FRK: variants seen among roughly 807,000 people sequenced by gnomAD.
FRK encodes tyrosine-protein kinase FRK.
Under a neutral mutation model 56.4 loss-of-function variants are expected in FRK, and 51 were observed. The ratio of observed to expected loss-of-function variants is 0.90; its 90% CI spans 0.72 to 1.14. The LOEUF (loss-of-function observed/expected upper bound fraction) is 1.14. FRK is among the 50% of genes most tolerant of loss of function. The probability of loss-of-function intolerance (pLI) is 0.00; values close to 1 mark genes in which losing one functional copy is unlikely to be tolerated. For missense variants in FRK, 570 were observed against 601.4 expected (o/e 0.95, Z 0.55); for synonymous variants, 245 against 217.9 (o/e 1.12, Z -1.10).
intron 5 of FRK, among the ~76,000 whole-genome samples, chr6:115,956,007 A>T (rs760618900): frequency 1.3e-5 from 2 of 152,206 alleles, no homozygotes; most frequent in Non-Finnish European, 1.5e-5. Flanking sequence ...CAACAAGTAC[A>T]ATGTTGTCAA....
chr6:116,025,452 C>T (rs1776052724), intron 1 of FRK, among the ~76,000 whole-genome samples: 2 of 152,130 alleles, frequency 1.3e-5, no homozygotes, highest in Admixed American at 6.5e-5. Context: ...ATGGAATCTA[C>T]TCTGTATTTG....
intron 1 of FRK, among the ~76,000 whole-genome samples, chr6:116,005,533 C>T (rs192629420): frequency 6.6e-6 from 1 of 152,212 alleles, no homozygotes; most frequent in Admixed American, 6.5e-5. Context: ...ACAGCCAATC[C>T]CACCATTTCC....
rs998262089 is a variant in FRK at position 115,941,249 on chromosome 6, A to T, written c.*1165T>A. ...TTAACAAACTAACACAAGAACAAAA[A>T]ACCAAACACAGCATGTTCTCACTCA... is the stretch of plus-strand genomic sequence containing the variant. On this transcript the variant is annotated 3_prime_UTR_variant, in exon 8 of 8. Transcript: ENST00000606080. 6.6e-6 allele frequency: 1 copy of T among 152,174 alleles called. No individual in the cohort carries two copies. The highest frequency in any genetic ancestry group is 1.5e-5 in the Non-Finnish European group (1 of 68,048). 9.4% of individuals were successfully genotyped at this position (152,174 alleles called of 1,614,324 possible). A position where few individuals can be genotyped will look rare whatever the true frequency, so the allele number is the denominator to read the frequency against.
chr6:116,022,174 A>G (rs1348416799), intron 1 of FRK, among the ~76,000 whole-genome samples: 1 of 152,112 alleles, frequency 6.6e-6, no homozygotes, highest in Non-Finnish European at 1.5e-5. Context: ...TACATTCATA[A>G]TTTAAAACCT....
chr6:116,071,916 T>C, the FRK span, among the ~76,000 whole-genome samples: 3 of 152,158 alleles, frequency 2.0e-5, no homozygotes, highest in East Asian at 1.9e-4. Context: ...TTTGGAAAGA[T>C]TGTCTCCCTC....
At chr6:116,009,950 G>A (rs530608615) in intron 1 of FRK, among the ~76,000 whole-genome samples, 55 of 152,076 alleles carry the variant, frequency 3.6e-4, no homozygotes, top group Admixed American at 6.5e-4. Context: ...CAAACTGGCC[G>A]GGCATGGTGG....
chr6:116,003,846 C>G (rs1297149349), intron 2 of FRK, 31 bp downstream of exon 2: 1 of 1,610,840 alleles, frequency 6.2e-7, no homozygotes, highest in East Asian at 2.2e-5. Flanking sequence ...CTCTCAAGCT[C>G]ATATTGAATG....
intron 2 of FRK, among the ~76,000 whole-genome samples, chr6:115,996,656 G>A (rs537549140): frequency 6.6e-6 from 1 of 152,122 alleles, no homozygotes; most frequent in Non-Finnish European, 1.5e-5. Context: ...ATCTCTGCAC[G>A]TTGTAGACTA....
At chr6:115,970,955 A>C (rs1773785820) in intron 2 of FRK, among the ~76,000 whole-genome samples, 1 of 152,158 alleles carries the variant, frequency 6.6e-6, no homozygotes, top group African/African-American at 2.4e-5. Flanking sequence ...AAAAACAAGC[A>C]AAACTATTGA....
intron 2 of FRK, among the ~76,000 whole-genome samples, chr6:115,985,133 C>T (rs528858713): frequency 6.6e-6 from 1 of 152,162 alleles, no homozygotes; most frequent in South Asian, 2.1e-4. Flanking sequence ...GCCTCAGTTT[C>T]CTCACTGTAA....
chr6:116,001,692 G>C (rs983011957), intron 2 of FRK, among the ~76,000 whole-genome samples: 2 of 152,124 alleles, frequency 1.3e-5, no homozygotes, highest in Admixed American at 6.5e-5. Context: ...GAAACTGACT[G>C]GGAACCTGGG....
chr6:116,062,090 C>A (rs373200644), upstream of FRK, among the ~76,000 whole-genome samples: 1 of 152,020 alleles, frequency 6.6e-6, no homozygotes, highest in African/African-American at 2.4e-5. Flanking sequence ...TTACTTTGTG[C>A]AAAAATCAGT....
At chr6:116,003,037 T>C (rs1325545415) in intron 2 of FRK, among the ~76,000 whole-genome samples, 1 of 152,228 alleles carries the variant, frequency 6.6e-6, no homozygotes, top group Non-Finnish European at 1.5e-5. Context: ...ATGGGCATCA[T>C]GTTTAATCAG....
At chr6:115,992,533 T>A (rs1774652757) in intron 2 of FRK, among the ~76,000 whole-genome samples, 1 of 151,716 alleles carries the variant, frequency 6.6e-6, no homozygotes. Flanking sequence ...CTTTTCTATA[T>A]AAAGACAAAT....
intron 2 of FRK, among the ~76,000 whole-genome samples, chr6:115,990,340 A>C (rs1774549381): frequency 6.6e-6 from 1 of 151,814 alleles, no homozygotes; most frequent in Admixed American, 6.6e-5. Context: ...CTTAATAATA[A>C]ATTATTTGCC....
At chr6:115,958,381 C>T (rs1773098986) in intron 4 of FRK, among the ~76,000 whole-genome samples, 1 of 151,900 alleles carries the variant, frequency 6.6e-6, no homozygotes, top group Non-Finnish European at 1.5e-5. Context: ...GATCCCAGAA[C>T]TTTGGGAGGC....
At chr6:115,958,082 A>G (rs1773081797) in intron 4 of FRK, among the ~76,000 whole-genome samples, 1 of 152,220 alleles carries the variant, frequency 6.6e-6, no homozygotes. Context: ...TTTCCGTTAC[A>G]TGTTTCTGAG....
chr6:115,971,307 T>C (rs1307332631), intron 2 of FRK, among the ~76,000 whole-genome samples: 4 of 152,128 alleles, frequency 2.6e-5, no homozygotes, highest in Non-Finnish European at 5.9e-5. Flanking sequence ...AGCAAATAAG[T>C]TTTCTAGTAA....
chr6:116,091,138 G>A, the FRK span, among the ~76,000 whole-genome samples: 1 of 152,154 alleles, frequency 6.6e-6, no homozygotes, highest in East Asian at 1.9e-4. Context: ...GTGGGGACTT[G>A]GAGATTTTTT....
Sources: allele counts gnomAD v4.1 joint callset (sites outside exome capture counted in the v4.1 genomes callset), GRCh38; gene constraint gnomAD v4.1.1; transcripts MANE v1.5; gene names NCBI Gene and HGNC (gene_info 2026-07-23, HGNC 2026-07-21).